The following HS6ST3 variants were observed in gnomAD, a reference collection of about 807,000 sequenced individuals.
HS6ST3 encodes the protein heparan-sulfate 6-O-sulfotransferase 3.
In HS6ST3, 12 loss-of-function variants were observed where a neutral mutation model predicts 36.7. The observed-to-expected ratio is 0.33, with a 90% CI of 0.21 to 0.53. HS6ST3 has a LOEUF of 0.53. Ranked by LOEUF, HS6ST3 falls within the 20% of genes least tolerant of loss-of-function variation. The probability of loss-of-function intolerance (pLI) is 0.95; values close to 1 mark genes in which losing one functional copy is unlikely to be tolerated. For missense variants in HS6ST3, 584 were observed against 640.9 expected, an observed-to-expected ratio of 0.91 and a Z score of 0.96; for synonymous variants, 240 against 257.5, an observed-to-expected ratio of 0.93 and a Z score of 0.65.
intron 1 of HS6ST3, among the ~76,000 whole-genome samples, chr13:96,605,789 A>C (rs1430459446): frequency 1.3e-5 from 2 of 152,044 alleles, no homozygotes; most frequent in Admixed American, 1.3e-4. Flanking sequence ...CTATTAACAG[A>C]GTAAATAGGC....
At chr13:96,359,952 C>G (rs977783471) in intron 1 of HS6ST3, among the ~76,000 whole-genome samples, 2 of 152,102 alleles carry the variant, frequency 1.3e-5, no homozygotes, top group Admixed American at 1.3e-4. Flanking sequence ...TACACTCCAG[C>G]CACCCCTATT....
chr13:96,575,903 G>A (rs946037559), intron 1 of HS6ST3, among the ~76,000 whole-genome samples: 1 of 152,180 alleles, frequency 6.6e-6, no homozygotes, highest in Non-Finnish European at 1.5e-5. Context: ...TGATCCCAAG[G>A]ACCTGACACT....
Position 96,611,945 on chromosome 13 carries a change from C to T in HS6ST3, c.708-220545C>T, listed in dbSNP as rs193141558. On this transcript the variant is annotated intron_variant, in intron 1 of 1. Transcript: ENST00000376705. The stretch of plus-strand genomic sequence containing the variant: ...GGTCTGTGTCAGGAAAGTAACATGG[C>T]ATTTGCAAGAATGGATTCCAGAAGC... Among the ~76,000 whole-genome samples, 16 of 152,236 alleles carry T rather than the reference C, an allele frequency of 1.1e-4. No homozygotes were observed. The East Asian group carries it at 3.1e-3, about 29-fold the overall frequency.
intron 1 of HS6ST3, among the ~76,000 whole-genome samples, chr13:96,208,479 G>A (rs1318251284): frequency 6.6e-6 from 1 of 152,136 alleles, no homozygotes; most frequent in Non-Finnish European, 1.5e-5. Context: ...TGTAAATTTA[G>A]TATTTTAATA....
intron 1 of HS6ST3, among the ~76,000 whole-genome samples, chr13:96,822,869 A>G (rs1322417168): frequency 6.6e-6 from 1 of 152,246 alleles, no homozygotes; most frequent in East Asian, 1.9e-4. Context: ...ATATAGCTGC[A>G]GTGCTGATGA....
chr13:96,775,623 A>G (rs140751679), intron 1 of HS6ST3, among the ~76,000 whole-genome samples: 1 of 152,282 alleles, frequency 6.6e-6, no homozygotes, highest in East Asian at 1.9e-4. Flanking sequence ...GTAAGGGATC[A>G]ATACAACAAG....
At chr13:96,308,030 A>G (rs1236040478) in intron 1 of HS6ST3, among the ~76,000 whole-genome samples, 2 of 152,154 alleles carry the variant, frequency 1.3e-5, no homozygotes, top group South Asian at 2.1e-4. Flanking sequence ...CTGAAAAGTA[A>G]TAACATTTAA....
intron 1 of HS6ST3, among the ~76,000 whole-genome samples, chr13:96,429,456 A>G (rs1167634815): frequency 6.6e-6 from 1 of 152,224 alleles, no homozygotes; most frequent in Non-Finnish European, 1.5e-5. Context: ...TAACTGAGCT[A>G]CTATATGTAA....
chr13:96,656,641 T>G (rs920455060), intron 1 of HS6ST3, among the ~76,000 whole-genome samples: 1 of 152,076 alleles, frequency 6.6e-6, no homozygotes, highest in Admixed American at 6.6e-5. Context: ...CTTTTCTGCC[T>G]CTGGACAATG....
intron 1 of HS6ST3, among the ~76,000 whole-genome samples, chr13:96,640,330 A>AT (rs879646910): frequency 2.0e-5 from 3 of 151,474 alleles, no homozygotes; most frequent in Non-Finnish European, 2.9e-5. Context: ...GATGATGAGC[A>AT]TTTTTTCCTG....
chr13:96,478,650 C>G (rs2055875498), intron 1 of HS6ST3, among the ~76,000 whole-genome samples: 1 of 151,996 alleles, frequency 6.6e-6, no homozygotes, highest in Non-Finnish European at 1.5e-5. Context: ...TTAGACCTAC[C>G]ATTTATATTT....
At position 96,805,330 on chromosome 13, in the gene HS6ST3, TTC is replaced by T. The variant is rs902222240; in HGVS notation, c.708-27149_708-27148del. Among the ~76,000 whole-genome samples the T allele has an allele frequency of 2.3e-3, 351 of 152,206 alleles. 3 individuals carry two copies. The highest frequency in any genetic ancestry group is 7.5e-3 in the African/African-American group (311 of 41,540). On this transcript the variant is annotated intron_variant, in intron 1 of 1. Transcript: ENST00000376705. ...TATGTGGCACTTCCCCCTTTGCTCA[TTC>T]TCTCTCTCTCCTTCCACCGTGTAAG...
intron 1 of HS6ST3, among the ~76,000 whole-genome samples, chr13:96,468,525 T>G (rs2055825589): frequency 6.6e-6 from 1 of 151,260 alleles, no homozygotes; most frequent in Non-Finnish European, 1.5e-5. Flanking sequence ...CTCCATAATA[T>G]TATCAATTCT....
Position 96,458,141 on chromosome 13 carries a change from A to G in HS6ST3, c.707+366572A>G, listed in dbSNP as rs371282105. Among the ~76,000 whole-genome samples the G allele has an allele frequency of 2.6e-5, 4 of 152,160 alleles. No individual in the cohort carries two copies. In the East Asian group the frequency reaches 7.7e-4, roughly 29 times the overall value. On this transcript the variant is annotated intron_variant, in intron 1 of 1. Coordinates refer to ENST00000376705, the MANE Select transcript of HS6ST3 (RefSeq NM_153456.4). ...ACACAATTCCTGCTTTGTATTCTGTATTCCCATACTGTGGTCTTACCTTCA... is the reference window on the plus strand; with the variant it reads ...ACACAATTCCTGCTTTGTATTCTGTGTTCCCATACTGTGGTCTTACCTTCA...
chr13:96,103,878 G>A (rs2053828805), intron 1 of HS6ST3, among the ~76,000 whole-genome samples: 1 of 151,642 alleles, frequency 6.6e-6, no homozygotes, highest in African/African-American at 2.4e-5. Flanking sequence ...TTATCTAAGT[G>A]CATAAGTCTT....
At chr13:96,273,200 G>A (rs1020276538) in intron 1 of HS6ST3, among the ~76,000 whole-genome samples, 4 of 151,934 alleles carry the variant, frequency 2.6e-5, no homozygotes, top group African/African-American at 9.7e-5. Flanking sequence ...GGGTAGGATG[G>A]CCCTTCCTGA....
chr13:96,561,341 A>C (rs1463912346), intron 1 of HS6ST3, among the ~76,000 whole-genome samples: 4 of 152,156 alleles, frequency 2.6e-5, no homozygotes, highest in Non-Finnish European at 4.4e-5. Flanking sequence ...ATGTGAAAGA[A>C]TGAAACTGAA....
rs142827923 is a variant in HS6ST3, at chr13:96,366,870, G to A, written c.707+275301G>A. On this transcript the variant is annotated intron_variant, in intron 1 of 1. Transcript: ENST00000376705. The stretch of plus-strand genomic sequence containing the variant: ...TTCCCCATACTGTTCTCATGGTAGT[G>A]AATAAGTCTCGCAAGACCTGATGGT... Among the ~76,000 whole-genome samples the A allele has an allele frequency of 3.9e-3, 597 of 152,280 alleles. 2 individuals are homozygous for A. Among genetic ancestry groups the A allele is most frequent in the Non-Finnish European group, 7.4e-3 (506 of 68,024 alleles).
intron 1 of HS6ST3, among the ~76,000 whole-genome samples, chr13:96,363,751 T>C (rs1462306841): frequency 1.3e-5 from 2 of 152,160 alleles, no homozygotes; most frequent in African/African-American, 4.8e-5. Context: ...CATCAGGTTA[T>C]AGATGAGAGA....
Sources: allele counts gnomAD v4.1 joint callset (sites outside exome capture counted in the v4.1 genomes callset), GRCh38; gene constraint gnomAD v4.1.1; transcripts MANE v1.5; gene names NCBI Gene and HGNC (gene_info 2026-07-23, HGNC 2026-07-21).